EDRF1: variants seen among roughly 807,000 people sequenced by gnomAD.
The protein encoded by EDRF1 is erythroid differentiation-related factor 1.
In EDRF1, 69 loss-of-function variants were observed where a neutral mutation model predicts 148.7. The observed-to-expected ratio is 0.46, with a 90% CI of 0.38 to 0.57. EDRF1 has a LOEUF of 0.57. Ranked by LOEUF, EDRF1 falls within the 20% of genes least tolerant of loss-of-function variation. The pLI is 0.00. For missense variants in EDRF1, 1,118 were observed against 1,478.7 expected (o/e 0.76, Z 4.00); for synonymous variants, 515 against 532.8 (o/e 0.97, Z 0.46).
At chr10:125,751,273 T>A (rs1210690162) in intron 22 of EDRF1, among the ~76,000 whole-genome samples, 1 of 152,240 alleles carries the variant, frequency 6.6e-6, no homozygotes. Context: ...AATGTTTTAC[T>A]ACTGTGAGTA....
intron 9 of EDRF1, among the ~76,000 whole-genome samples, chr10:125,731,711 T>C (rs959645428): frequency 6.6e-6 from 1 of 152,040 alleles, no homozygotes; most frequent in African/African-American, 2.4e-5. Context: ...CCAGAGGCAT[T>C]GTACCATTTT....
chr10:125,760,929 T>C (rs2133771736), intron 24 of EDRF1, among the ~76,000 whole-genome samples: 1 of 152,370 alleles, frequency 6.6e-6, no homozygotes, highest in East Asian at 1.9e-4. Context: ...ATTTAAAGTA[T>C]ATAGGAAGAT....
At chr10:125,748,109 C>T (rs185357440) in intron 21 of EDRF1, 97 bp downstream of exon 21, 198 of 1,442,612 alleles carry the variant, frequency 1.4e-4, no homozygotes, top group Admixed American at 1.2e-4. Context: ...TCTTCCTTGA[C>T]GTCCACTCAG....
chr10:125,762,676 G>C (rs1253711358), intron 24 of EDRF1, among the ~76,000 whole-genome samples: 2 of 152,162 alleles, frequency 1.3e-5, no homozygotes, highest in Non-Finnish European at 2.9e-5. Context: ...TCTTCACACA[G>C]AATTGCACTG....
intron 17 of EDRF1, 111 bp downstream of exon 17, chr10:125,741,312 C>T: frequency 9.7e-7 from 1 of 1,028,974 alleles, no homozygotes; most frequent in Non-Finnish European, 1.5e-6. Context: ...GATATTTGCT[C>T]TGTATTTATT....
chr10:125,748,199 G>A, intron 21 of EDRF1, 187 bp downstream of exon 21: 1 of 697,592 alleles, frequency 1.4e-6, no homozygotes, highest in South Asian at 1.7e-5. Flanking sequence ...TCCGCATTGT[G>A]CTCCATGTTG....
Position 125,740,152 on chromosome 10 carries a change from A to C in EDRF1, c.1982-311A>C, listed in dbSNP as rs185423428. ...TCTAAGCTGTGCTTTAGGAAGGTAAACTTTGACAGGTTGACACATAGACTG... is the reference window on the plus strand; with the variant it reads ...TCTAAGCTGTGCTTTAGGAAGGTAACCTTTGACAGGTTGACACATAGACTG... On this transcript the variant is annotated intron_variant, in intron 15 of 24. Coordinates refer to ENST00000356792, the MANE Select transcript of EDRF1 (RefSeq NM_001202438.2). Among the ~76,000 whole-genome samples, 906 of 152,292 alleles carry C rather than the reference A, an allele frequency of 5.9e-3. 19 individuals are homozygous for C. The highest frequency in any genetic ancestry group is 5.4e-3 in the Non-Finnish European group (368 of 68,024).
intron 1 of EDRF1, 121 bp downstream of exon 1, chr10:125,720,036 C>T: frequency 1.2e-6 from 1 of 839,786 alleles, no homozygotes; most frequent in South Asian, 1.7e-5. Context: ...CCTGACACCC[C>T]CAAAACAGGG....
At chr10:125,721,654 A>G (rs528258710) in intron 2 of EDRF1, among the ~76,000 whole-genome samples, 7 of 152,362 alleles carry the variant, frequency 4.6e-5, no homozygotes, top group African/African-American at 1.7e-4. Flanking sequence ...AGCAAAGATG[A>G]GTTTTGACTG....
chr10:125,746,583 T>C (rs1461592034), intron 19 of EDRF1: 4 of 152,596 alleles, frequency 2.6e-5, no homozygotes, highest in African/African-American at 7.2e-5. Context: ...AGTTTAGTTT[T>C]ATTTATTTAC....
rs192155415 is a variant in EDRF1, at chr10:125,740,253, T to A, written c.1982-210T>A. 2.0e-3 allele frequency among the ~76,000 whole-genome samples: 309 copies of A among 152,334 alleles called. 1 individual carries two copies. The highest frequency in any genetic ancestry group is 3.3e-3 in the Admixed American group (51 of 15,310). ...GAAGAGAATGACAGAGTTGCCGATG[T>A]CAGGGAAGCAGAAGGCCTTAGAACT... On this transcript the variant is annotated intron_variant, in intron 15 of 24. Coordinates refer to ENST00000356792, the MANE Select transcript of EDRF1 (RefSeq NM_001202438.2).
Position 125,721,422 on chromosome 10 carries a change from A to C in EDRF1, c.317+10A>C. 1 of 1,613,366 alleles carries C rather than the reference A, an allele frequency of 6.2e-7. No homozygotes were observed. The highest frequency in any genetic ancestry group is 1.3e-5 in the African/African-American group (1 of 75,032). On this transcript the variant is annotated intron_variant, in intron 2 of 24. Transcript: ENST00000356792. ...GCAAGCCATTTTCAAGGTAAATATTAATCAGTGGCATTTTTACCTGCCCCT... is the reference window on the plus strand; with the variant it reads ...GCAAGCCATTTTCAAGGTAAATATTCATCAGTGGCATTTTTACCTGCCCCT...
chr10:125,722,179 A>G, intron 2 of EDRF1, among the ~76,000 whole-genome samples: 1 of 152,234 alleles, frequency 6.6e-6, no homozygotes, highest in East Asian at 1.9e-4. Context: ...CCCAAATATC[A>G]TTTTTTAAAA....
chr10:125,749,541 GCAT>G lies in EDRF1; in HGVS notation c.3254_3256del (p.Ala1085_Phe1086delinsVal), dbSNP rs1189109876. ...GCTTAGAGTACAGCTAGAGAGAGTA[GCAT>G]TTGCTGAATTTCAGATGACCAGTAA... On this transcript the variant is annotated inframe_deletion, in exon 22 of 25. Transcript: ENST00000356792. The G allele has an allele frequency of 6.2e-7, 1 of 1,613,974 alleles. No individual in the cohort carries two copies. Among genetic ancestry groups the G allele is most frequent in the Non-Finnish European group, 8.5e-7 (1 of 1,180,026 alleles).
chr10:125,733,558 T>C lies in EDRF1; in HGVS notation c.1276+7T>C. On this transcript the variant is annotated splice_region_variant and intron_variant, in intron 10 of 24. Transcript: ENST00000356792. Reference sequence around the variant, plus strand: ...ACCTATTGGCTCTTTAAAGGTAAGCTATTAATACTTCTTGAGTGAACAATA... The same window carrying C: ...ACCTATTGGCTCTTTAAAGGTAAGCCATTAATACTTCTTGAGTGAACAATA... The C allele has an allele frequency of 1.2e-6, 2 of 1,604,578 alleles. No individual in the cohort carries two copies. The highest frequency in any genetic ancestry group is 1.7e-6 in the Non-Finnish European group (2 of 1,171,512).
At chr10:125,759,109 G>C (rs183041618) in intron 24 of EDRF1, among the ~76,000 whole-genome samples, 1 of 152,278 alleles carries the variant, frequency 6.6e-6, no homozygotes, top group East Asian at 1.9e-4. Flanking sequence ...GGGTCAGTCT[G>C]TCAGGATTCT....
At chr10:125,736,701 GT>G (rs1213662674) in intron 13 of EDRF1, among the ~76,000 whole-genome samples, 8 of 151,520 alleles carry the variant, frequency 5.3e-5, no homozygotes, top group Non-Finnish European at 1.0e-4. Flanking sequence ...GCCATGCTGG[GT>G]TTTTTTTCTC....
chr10:125,723,241 G>A, intron 3 of EDRF1, 107 bp downstream of exon 3: 1 of 1,003,894 alleles, frequency 1.0e-6, no homozygotes, highest in Non-Finnish European at 1.6e-6. Context: ...TGAGAAATTA[G>A]TGATGAAATA....
chr10:125,737,579 ATAAAT>A (rs1413980033), intron 13 of EDRF1, among the ~76,000 whole-genome samples: 1 of 152,234 alleles, frequency 6.6e-6, no homozygotes, highest in Non-Finnish European at 1.5e-5. Context: ...AATTAAGCAA[ATAAAT>A]TAAACAACGA....
Sources: allele counts gnomAD v4.1 joint callset (sites outside exome capture counted in the v4.1 genomes callset), GRCh38; gene constraint gnomAD v4.1.1; transcripts MANE v1.5; gene names NCBI Gene and HGNC (gene_info 2026-07-23, HGNC 2026-07-21).